LAMB1: variants seen among roughly 807,000 people sequenced by gnomAD.
LAMB1 encodes the protein laminin subunit beta 1.
LAMB1 carries 121 observed loss-of-function variants against 222.3 expected under a neutral mutation model. The observed-to-expected ratio is 0.54, with a 90% CI of 0.47 to 0.63. LAMB1 has a LOEUF of 0.63. Ranked by LOEUF, LAMB1 falls within the 30% of genes least tolerant of loss-of-function variation. The pLI is 0.00. For synonymous variants in LAMB1, 794 were observed against 807.2 expected, an observed-to-expected ratio of 0.98 and a Z score of 0.28; for missense variants, 2,172 against 2,240.8, an observed-to-expected ratio of 0.97 and a Z score of 0.62.
chr7:108,001,942 C>T, intron 2 of LAMB1: 1 of 1,454,866 alleles, frequency 6.9e-7, no homozygotes, highest in Non-Finnish European at 9.1e-7. Context: ...CGGAAAGAAA[C>T]CCACACACGT....
intron 5 of LAMB1, among the ~76,000 whole-genome samples, chr7:107,986,874 T>C (rs2034088990): frequency 1.3e-5 from 2 of 152,202 alleles, no homozygotes; most frequent in African/African-American, 4.8e-5. Flanking sequence ...TTGCATGCAA[T>C]GTGCTTTGGA....
Position 107,961,187 on chromosome 7 carries a change from G to C in LAMB1, c.2109+19C>G. ...CGCCCAGGCTTTCCTGCATATGCCA[G>C]AAGCAATCTCGCACTTACAGAATCG... is the stretch of plus-strand genomic sequence containing the variant. On this transcript the variant is annotated intron_variant, in intron 17 of 33. Coordinates refer to ENST00000222399, the MANE Select transcript of LAMB1 (RefSeq NM_002291.3). 6.2e-7 allele frequency: 1 copy of C among 1,613,904 alleles called. No homozygotes were observed.
At chr7:107,987,899 G>A (rs2034109919) in intron 5 of LAMB1, among the ~76,000 whole-genome samples, 1 of 152,210 alleles carries the variant, frequency 6.6e-6, no homozygotes, top group African/African-American at 2.4e-5. Flanking sequence ...GTAAGAAGTT[G>A]CCATGCTAAG....
chr7:107,931,822 T>A (rs997629513), intron 28 of LAMB1: 2 of 473,120 alleles, frequency 4.2e-6, no homozygotes, highest in East Asian at 8.0e-5. Context: ...TGTGTCACTT[T>A]AGAAGAATAA....
At chr7:107,980,569 A>T in intron 8 of LAMB1, 40 bp downstream of exon 8, 1 of 1,504,504 alleles carries the variant, frequency 6.6e-7, no homozygotes, top group African/African-American at 1.4e-5. Context: ...TTTTATTACC[A>T]GCCACATAAA....
At chr7:107,952,731 G>C (rs1157587418) in intron 22 of LAMB1, among the ~76,000 whole-genome samples, 1 of 152,140 alleles carries the variant, frequency 6.6e-6, no homozygotes, top group Non-Finnish European at 1.5e-5. Flanking sequence ...GGGCTGTGCA[G>C]CTGCAGCAAG....
chr7:107,979,759 C>A (rs2033936766), intron 8 of LAMB1, among the ~76,000 whole-genome samples: 1 of 152,158 alleles, frequency 6.6e-6, no homozygotes, highest in South Asian at 2.1e-4. Context: ...AAAATGATAT[C>A]CCATGGGTGT....
intron 24 of LAMB1, among the ~76,000 whole-genome samples, chr7:107,943,970 T>G (rs962939270): frequency 6.6e-6 from 1 of 152,202 alleles, no homozygotes; most frequent in Non-Finnish European, 1.5e-5. Flanking sequence ...GTGATGCCAT[T>G]TGTAATAAAA....
Position 107,980,710 on chromosome 7 carries a change from A to G in LAMB1, c.778T>C (p.Tyr260His). The G allele has an allele frequency of 6.2e-7, 1 of 1,613,802 alleles. No individual in the cohort carries two copies. ...SRMEIREKYY[Y>H]AVYDMVVRGN... is the part of the protein sequence containing the mutation. Reference sequence around the variant, plus strand: ...CGAACCACCATATCATAAACTGCATAATAATACTTTTCTCTGATTTCCATC... The same window carrying G: ...CGAACCACCATATCATAAACTGCATGATAATACTTTTCTCTGATTTCCATC... The change falls in exon 8 of 34, where the codon TAT (tyrosine) becomes CAT (histidine). Residue 260 changes from tyrosine (Y) to histidine (H), a missense_variant. Physicochemically the swap from Tyr to His is moderately conservative, Grantham distance 83. Coordinates refer to ENST00000222399, the MANE Select transcript of LAMB1 (RefSeq NM_002291.3).
In LAMB1 at chr7:107,924,027, G is replaced by T; in HGVS notation, c.5285C>A (p.Ala1762Glu). The T allele has an allele frequency of 3.8e-6, 6 of 1,590,784 alleles. No homozygotes were observed. The highest frequency in any genetic ancestry group is 5.1e-6 in the Non-Finnish European group (6 of 1,174,272). Residue 1762 changes from alanine (A) to glutamate (E), a missense_variant, in exon 34 of 34, where the codon GCA becomes GAA. By Grantham distance (107) the Ala-to-Glu change is moderately radical. Transcript: ENST00000222399. ...TGAACGGACTTCTCCTTCCAGTCTT[G>T]CTAATTCTTGAGCTTTATCTTCTAA... Reference protein sequence around the residue: ...RYLEDKAQELARLEGEVRSLL... With the variant: ...RYLEDKAQELERLEGEVRSLL...
intron 5 of LAMB1, among the ~76,000 whole-genome samples, chr7:107,992,698 C>A (rs1057143035): frequency 6.6e-6 from 1 of 152,144 alleles, no homozygotes; most frequent in African/African-American, 2.4e-5. Flanking sequence ...GAGTTCGAGA[C>A]CAGCCTGGCC....
chr7:107,931,503 A>C lies in LAMB1; in HGVS notation c.4393-3T>G, dbSNP rs762084539. On this transcript the variant is annotated splice_polypyrimidine_tract_variant and splice_region_variant and intron_variant, in intron 28 of 33. Transcript: ENST00000222399. ...GCCCTCAGTTTTGCTTCAGAGACCT[A>C]AATATGAAGAATAAATTACCCAGGG... The C allele has an allele frequency of 1.9e-6, 3 of 1,611,798 alleles. No individual in the cohort carries two copies. Among genetic ancestry groups the C allele is most frequent in the Non-Finnish European group, 2.5e-6 (3 of 1,178,944 alleles).
intron 2 of LAMB1, chr7:108,002,070 C>CA: frequency 3.4e-6 from 5 of 1,467,066 alleles, no homozygotes; most frequent in Non-Finnish European, 4.5e-6. Context: ...GTAGACCCTC[C>CA]ACTTCGACGT....
At chr7:107,933,682 A>G (rs1012797090) in intron 27 of LAMB1, among the ~76,000 whole-genome samples, 7 of 152,160 alleles carry the variant, frequency 4.6e-5, no homozygotes, top group African/African-American at 1.7e-4. Flanking sequence ...ACAAAAGGAC[A>G]AAACTCTCTC....
Position 107,931,452 on chromosome 7 carries a change from C to A in LAMB1, c.4441G>T (p.Asp1481Tyr), listed in dbSNP as rs1418145453. ...GTAGCATTTGTCTTCAACAGAATGT[C>A]TTCAGCACTTTGTTTTGCCTCATCT... The part of the protein sequence containing the change: ...RADEAKQSAE[D>Y]ILLKTNATKE... The change falls in exon 29 of 34, where the codon GAC becomes TAC. Residue 1481 changes from aspartate to tyrosine, a missense_variant. Physicochemically the swap from Asp to Tyr is radical, Grantham distance 160 (BLOSUM62 -3). Coordinates refer to ENST00000222399, the MANE Select transcript of LAMB1 (RefSeq NM_002291.3). 6.2e-7 allele frequency: 1 copy of A among 1,613,710 alleles called. No individual in the cohort carries two copies. The highest frequency in any genetic ancestry group is 1.7e-5 in the Admixed American group (1 of 60,000).
chr7:107,938,678 A>G (rs886669487), intron 25 of LAMB1, among the ~76,000 whole-genome samples: 1 of 152,150 alleles, frequency 6.6e-6, no homozygotes, highest in African/African-American at 2.4e-5. Flanking sequence ...CAGGCCAAGG[A>G]TCATTTCCTA....
intron 29 of LAMB1, among the ~76,000 whole-genome samples, chr7:107,930,601 G>A (rs1300049222): frequency 6.6e-6 from 1 of 152,164 alleles, no homozygotes; most frequent in Non-Finnish European, 1.5e-5. Flanking sequence ...CTTATTGCTG[G>A]CCAGTGAGGT....
rs755964110 is a variant in LAMB1 at position 107,955,650 on chromosome 7, G to T, written c.2691-20C>A. ...AAGCACCTGCATCAGTCACAGAAGA[G>T]AACAGGCCATGACCCCACAGTTCTA... On this transcript the variant is annotated intron_variant, in intron 20 of 33. Transcript: ENST00000222399. 1.2e-6 allele frequency: 2 copies of T among 1,603,036 alleles called. No homozygotes were observed. Among genetic ancestry groups the T allele is most frequent in the Admixed American group, 3.4e-5 (2 of 58,888 alleles).
intron 17 of LAMB1, among the ~76,000 whole-genome samples, chr7:107,960,899 G>A (rs772438147): frequency 3.3e-5 from 5 of 152,036 alleles, no homozygotes; most frequent in African/African-American, 7.2e-5. Context: ...TTGCTTTGTC[G>A]CCCAGGCTGG....
Sources: allele counts gnomAD v4.1 joint callset (sites outside exome capture counted in the v4.1 genomes callset), GRCh38; gene constraint gnomAD v4.1.1; transcripts MANE v1.5; gene names NCBI Gene and HGNC (gene_info 2026-07-23, HGNC 2026-07-21).